CSMD1: variants seen among roughly 807,000 people sequenced by gnomAD.
CSMD1 encodes the protein CUB and sushi domain-containing protein 1.
CSMD1 carries 213 observed loss-of-function variants against 417.5 expected under a neutral mutation model. The ratio of observed to expected loss-of-function variants is 0.51; its 90% CI spans 0.46 to 0.57. The LOEUF (loss-of-function observed/expected upper bound fraction) is 0.57, where lower values mean the gene tolerates loss of function less well. CSMD1 is among the 20% of genes least tolerant of loss of function. The pLI is 0.00. For synonymous variants in CSMD1, 2,862 were observed against 1,736.8 expected (o/e 1.65, Z -16.11); for missense variants, 6,923 against 4,529.7 (o/e 1.53, Z -15.17).
rs142247450 is a variant in CSMD1 at position 3,071,005 on chromosome 8, T to C, written c.7474+16092A>G. On this transcript the variant is annotated intron_variant, in intron 49 of 69. Coordinates refer to ENST00000635120, the MANE Select transcript of CSMD1 (RefSeq NM_033225.6). ...GGAGACCTGAGGGAGATTTTAATCATGGCAGAAGGCCAAGGGGGAATAACC... is the reference window on the plus strand; with the variant it reads ...GGAGACCTGAGGGAGATTTTAATCACGGCAGAAGGCCAAGGGGGAATAACC... 7.2e-3 allele frequency among the ~76,000 whole-genome samples: 1,099 copies of C among 152,302 alleles called. 18 individuals carry two copies. The highest frequency in any genetic ancestry group is 0.024 in the African/African-American group (1,013 of 41,570).
rs148096097 is a variant in CSMD1, at chr8:4,448,720, T to G, written c.303-28655A>C. Among the ~76,000 whole-genome samples the G allele has an allele frequency of 2.1e-3, 324 of 152,328 alleles. 1 individual carries two copies. The highest frequency in any genetic ancestry group is 7.3e-3 in the African/African-American group (304 of 41,592). On this transcript the variant is annotated intron_variant, in intron 2 of 69. Transcript: ENST00000635120. The stretch of plus-strand genomic sequence containing the variant: ...CTTTTTTGGCATTGCCCATTTCATC[T>G]TAATTTCACTTTTGAATTTTTCTGA...
chr8:4,906,971 T>C (rs1805323356), intron 1 of CSMD1, among the ~76,000 whole-genome samples: 1 of 152,248 alleles, frequency 6.6e-6, no homozygotes, highest in Admixed American at 6.5e-5. Flanking sequence ...GCCTACTAAA[T>C]ATAGCACAAT....
intron 3 of CSMD1, among the ~76,000 whole-genome samples, chr8:4,104,361 G>A (rs1466478718): frequency 2.0e-5 from 3 of 152,190 alleles, no homozygotes; most frequent in Non-Finnish European, 1.5e-5. Flanking sequence ...ACTGCACACT[G>A]TGAAAAAATG....
intron 55 of CSMD1, among the ~76,000 whole-genome samples, chr8:2,976,357 C>T (rs1201961424): frequency 6.6e-6 from 1 of 152,040 alleles, no homozygotes; most frequent in Non-Finnish European, 1.5e-5. Context: ...CCATTTCCCT[C>T]CTCATTTCTA....
At position 3,347,788 on chromosome 8, in the gene CSMD1, A is replaced by G. The variant is rs186648505; in HGVS notation, c.3474+204T>C. On this transcript the variant is annotated intron_variant, in intron 22 of 69. Transcript: ENST00000635120. ...AAATGTTAGATCGAGGTTTATCTAC[A>G]AAGTTATTTCAAAGTCCACATACAC... 1.5e-4 allele frequency among the ~76,000 whole-genome samples: 23 copies of G among 152,314 alleles called. No individual in the cohort carries two copies. In the South Asian group the frequency reaches 4.8e-3, roughly 32 times the overall value.
chr8:3,352,465 A>G (rs566275657), intron 21 of CSMD1, among the ~76,000 whole-genome samples: 1 of 152,334 alleles, frequency 6.6e-6, no homozygotes, highest in East Asian at 1.9e-4. Context: ...TTGTAATAAT[A>G]CCATGCCTGA....
chr8:4,227,754 C>A (rs1451698630), intron 3 of CSMD1, among the ~76,000 whole-genome samples: 1 of 151,428 alleles, frequency 6.6e-6, no homozygotes, highest in Admixed American at 6.6e-5. Context: ...GACACACCCT[C>A]CATCCTGCAT....
chr8:4,669,767 G>A (rs892512808), intron 1 of CSMD1, among the ~76,000 whole-genome samples: 1 of 152,028 alleles, frequency 6.6e-6, no homozygotes, highest in Non-Finnish European at 1.5e-5. Flanking sequence ...GAGGTAGGGG[G>A]TACTGCAAAT....
At chr8:4,182,908 T>A (rs1584975304) in intron 3 of CSMD1, among the ~76,000 whole-genome samples, 1 of 152,140 alleles carries the variant, frequency 6.6e-6, no homozygotes, top group Non-Finnish European at 1.5e-5. Flanking sequence ...GAGAATGTAA[T>A]TGAAGACGGT....
At chr8:3,101,657 C>A (rs1815754726) in intron 46 of CSMD1, among the ~76,000 whole-genome samples, 1 of 152,038 alleles carries the variant, frequency 6.6e-6, no homozygotes, top group Non-Finnish European at 1.5e-5. Flanking sequence ...GATCTCCTGA[C>A]CTTGTGATCC....
chr8:4,239,651 G>C (rs926933227), intron 3 of CSMD1, among the ~76,000 whole-genome samples: 33 of 152,276 alleles, frequency 2.2e-4, no homozygotes, highest in African/African-American at 7.9e-4. Flanking sequence ...GCCATGCTCG[G>C]GGTCACAGAG....
At chr8:3,755,602 ATGGGTCACC>A (rs1301475501) in intron 5 of CSMD1, among the ~76,000 whole-genome samples, 1 of 152,140 alleles carries the variant, frequency 6.6e-6, no homozygotes, top group Non-Finnish European at 1.5e-5. Flanking sequence ...TTCCTACGAA[ATGGGTCACC>A]TGTGTAGAGA....
At chr8:4,750,429 A>G (rs983559159) in intron 1 of CSMD1, among the ~76,000 whole-genome samples, 2 of 152,200 alleles carry the variant, frequency 1.3e-5, no homozygotes, top group Non-Finnish European at 2.9e-5. Flanking sequence ...TTGCAATTAA[A>G]TGGTTTAGAA....
intron 3 of CSMD1, among the ~76,000 whole-genome samples, chr8:4,396,635 A>G (rs1804237470): frequency 6.6e-6 from 1 of 151,864 alleles, no homozygotes; most frequent in Non-Finnish European, 1.5e-5. Context: ...ACACACACAC[A>G]CACACATAAA....
chr8:3,277,494 C>T (rs556120717), intron 26 of CSMD1, among the ~76,000 whole-genome samples: 3 of 152,242 alleles, frequency 2.0e-5, no homozygotes, highest in African/African-American at 7.2e-5. Context: ...AGGGACTCCA[C>T]TGAATGCATT....
At chr8:3,613,702 AACACACACACACACACACACAC>A (rs61391436) in intron 8 of CSMD1, among the ~76,000 whole-genome samples, 29 of 144,888 alleles carry the variant, frequency 2.0e-4, no homozygotes, top group African/African-American at 7.4e-4. Flanking sequence ...GTCAGATTAA[AACACACACACACACACACACAC>A]ACACACACAC....
rs560165354 is a variant in CSMD1 at position 4,809,886 on chromosome 8, G to C, written c.86-172328C>G. On this transcript the variant is annotated intron_variant, in intron 1 of 69. Transcript: ENST00000635120. ...GGGCAAGCGGTTGCCATATTAAACA[G>C]TGCCATTCAAATCCAAGTCCGGCCA... 1.6e-4 allele frequency among the ~76,000 whole-genome samples: 24 copies of C among 152,282 alleles called. No individual in the cohort carries two copies. The East Asian group carries it at 2.7e-3, about 17-fold the overall frequency.
At chr8:4,205,617 C>T (rs1387250056) in intron 3 of CSMD1, among the ~76,000 whole-genome samples, 1 of 152,110 alleles carries the variant, frequency 6.6e-6, no homozygotes, top group Non-Finnish European at 1.5e-5. Context: ...CAATTTCCAC[C>T]CAGGAGCCAC....
chr8:3,223,350 G>T (rs1320984886), intron 28 of CSMD1, among the ~76,000 whole-genome samples: 1 of 152,128 alleles, frequency 6.6e-6, no homozygotes, highest in Non-Finnish European at 1.5e-5. Context: ...GGAACGTCAG[G>T]ATGTGCTGTG....
Sources: allele counts gnomAD v4.1 joint callset (sites outside exome capture counted in the v4.1 genomes callset), GRCh38; gene constraint gnomAD v4.1.1; transcripts MANE v1.5; gene names NCBI Gene and HGNC (gene_info 2026-07-23, HGNC 2026-07-21).